RFX3: variants seen among roughly 807,000 people sequenced by gnomAD.
RFX3 encodes the protein transcription factor RFX3.
In RFX3, 14 loss-of-function variants were observed where a neutral mutation model predicts 98.6. The observed-to-expected ratio is 0.14, with a 90% CI of 0.09 to 0.22. The LOEUF (loss-of-function observed/expected upper bound fraction) is 0.22. Ranked by LOEUF, RFX3 falls within the 10% of genes least tolerant of loss-of-function variation. The pLI is 1.00. For synonymous variants in RFX3, 383 were observed against 328.4 expected (o/e 1.17, Z -1.80); for missense variants, 639 against 926.9 (o/e 0.69, Z 4.03).
intron 4 of RFX3, among the ~76,000 whole-genome samples, chr9:3,314,994 G>T (rs1490482423): frequency 6.6e-6 from 1 of 152,096 alleles, no homozygotes; most frequent in African/African-American, 2.4e-5. Context: ...GGATATCCAG[G>T]AATTGAACTC....
At chr9:3,521,756 C>G (rs1002382137) in intron 1 of RFX3, among the ~76,000 whole-genome samples, 1 of 151,954 alleles carries the variant, frequency 6.6e-6, no homozygotes, top group African/African-American at 2.4e-5. Context: ...CACCTATTTC[C>G]AACATATAAA....
chr9:3,257,720 G>T (rs1822317701), intron 13 of RFX3, among the ~76,000 whole-genome samples: 1 of 152,206 alleles, frequency 6.6e-6, no homozygotes, highest in African/African-American at 2.4e-5. Flanking sequence ...ATACTAGGTA[G>T]AAGCATATGC....
chr9:3,356,339 C>A (rs1281790645), intron 2 of RFX3, among the ~76,000 whole-genome samples: 3 of 151,830 alleles, frequency 2.0e-5, no homozygotes, highest in East Asian at 1.9e-4. Context: ...GGAAACGTCA[C>A]TATACATCTT....
chr9:3,271,568 T>C (rs1009378260), intron 9 of RFX3, among the ~76,000 whole-genome samples: 1 of 150,580 alleles, frequency 6.6e-6, no homozygotes, highest in Non-Finnish European at 1.5e-5. Flanking sequence ...TCTCTCTTTC[T>C]TTCTTTCTTT....
chr9:3,259,300 A>G (rs960011720), intron 13 of RFX3, among the ~76,000 whole-genome samples: 1 of 152,058 alleles, frequency 6.6e-6, no homozygotes, highest in African/African-American at 2.4e-5. Context: ...AAAGATGATA[A>G]TCTAAAACCT....
intron 1 of RFX3, chr9:3,420,674 G>A (rs1843368242): frequency 1.4e-5 from 7 of 491,284 alleles, no homozygotes; most frequent in Non-Finnish European, 1.8e-5. Flanking sequence ...AAGAAGAGGA[G>A]TAAATTTTAA....
At chr9:3,297,713 G>C (rs981690766) in intron 5 of RFX3, among the ~76,000 whole-genome samples, 1 of 151,852 alleles carries the variant, frequency 6.6e-6, no homozygotes, top group African/African-American at 2.4e-5. Context: ...TTTGCTTTGA[G>C]CTAAATGTAT....
At chr9:3,368,266 T>G (rs995661899) in intron 2 of RFX3, among the ~76,000 whole-genome samples, 5 of 152,132 alleles carry the variant, frequency 3.3e-5, no homozygotes, top group Admixed American at 6.5e-5. Flanking sequence ...GAAAGAAAAT[T>G]TTAATGATAC....
intron 2 of RFX3, among the ~76,000 whole-genome samples, chr9:3,375,283 G>T (rs865846963): frequency 1.3e-5 from 2 of 152,284 alleles, no homozygotes; most frequent in Middle Eastern, 6.8e-3. Context: ...ACTCTGGTCA[G>T]ACAGCTATCA....
chr9:3,403,491 T>C (rs1841672136), intron 1 of RFX3, among the ~76,000 whole-genome samples: 1 of 152,166 alleles, frequency 6.6e-6, no homozygotes. Flanking sequence ...TGATAACTGA[T>C]GACAGTGATT....
intron 5 of RFX3, among the ~76,000 whole-genome samples, chr9:3,298,139 C>T (rs2129921757): frequency 6.6e-6 from 1 of 151,538 alleles, no homozygotes; most frequent in African/African-American, 2.4e-5. Context: ...TTCTGTAAAA[C>T]CAAATCTAAA....
At chr9:3,438,617 C>T (rs1845363215) in intron 1 of RFX3, among the ~76,000 whole-genome samples, 1 of 143,830 alleles carries the variant, frequency 7.0e-6, no homozygotes, top group African/African-American at 2.8e-5. Context: ...AAAAGCAAGA[C>T]ACAACAACAT....
intron 15 of RFX3, among the ~76,000 whole-genome samples, chr9:3,242,592 ATGAAT>A (rs1820106580): frequency 6.6e-6 from 1 of 152,152 alleles, no homozygotes; most frequent in Non-Finnish European, 1.5e-5. Context: ...TTTGTTTACT[ATGAAT>A]GTAATTCTAC....
intron 1 of RFX3, among the ~76,000 whole-genome samples, chr9:3,431,046 A>C (rs1052079500): frequency 1.3e-5 from 2 of 152,240 alleles, no homozygotes; most frequent in African/African-American, 4.8e-5. Flanking sequence ...TAATAACTGC[A>C]TAAAATTAAC....
At position 3,303,392 on chromosome 9, in the gene RFX3, T is replaced by C. The variant is rs1222000322; in HGVS notation, c.475-1772A>G. ...GATTCATATGACTACAATTCACTTA[T>C]AGGAAGAATTTGCTCAAAACCCTAA... On this transcript the variant is annotated intron_variant, in intron 4 of 16. Transcript: ENST00000617270. 4.6e-5 allele frequency among the ~76,000 whole-genome samples: 7 copies of C among 151,882 alleles called. No individual in the cohort carries two copies. The East Asian group carries it at 9.7e-4, about 21-fold the overall frequency.
chr9:3,383,913 C>T (rs1054883067), intron 2 of RFX3, among the ~76,000 whole-genome samples: 11 of 151,892 alleles, frequency 7.2e-5, no homozygotes, highest in Non-Finnish European at 1.6e-4. Flanking sequence ...CTAAAATCAG[C>T]CCTGGATTTA....
At chr9:3,295,988 CA>C (rs1364436576) in intron 5 of RFX3, among the ~76,000 whole-genome samples, 9 of 151,904 alleles carry the variant, frequency 5.9e-5, no homozygotes, top group African/African-American at 2.2e-4. Flanking sequence ...AGTCTTCTTG[CA>C]ACATTAAATT....
intron 1 of RFX3, among the ~76,000 whole-genome samples, chr9:3,416,364 T>C (rs1276556465): frequency 2.0e-5 from 3 of 152,170 alleles, no homozygotes; most frequent in East Asian, 3.8e-4. Flanking sequence ...AATCCAGGTG[T>C]AACTGACCTA....
At chr9:3,262,622 G>A (rs502828) in intron 13 of RFX3, among the ~76,000 whole-genome samples, 149,916 of 152,324 alleles carry the variant, frequency 0.98, 73,817 homozygotes, top group Middle Eastern at 1. Context: ...TCCCACAGCT[G>A]GTATATGAGA....
Sources: gnomAD v4.1 joint callset for allele counts (sites outside exome capture counted in the v4.1 genomes callset) on GRCh38, gnomAD v4.1.1 for gene constraint, MANE v1.5 for transcripts, NCBI Gene and HGNC (gene_info 2026-07-23, HGNC 2026-07-21) for gene names.